SOX5: variants seen among roughly 807,000 people sequenced by gnomAD.
The protein encoded by SOX5 is transcription factor SOX-5.
A neutral mutation model predicts 92.0 loss-of-function variants in SOX5; 9 were observed. The ratio of observed to expected loss-of-function variants is 0.10; its 90% confidence interval spans 0.06 to 0.17. The LOEUF is 0.17. SOX5 is among the 10% of genes least tolerant of loss of function. The probability of loss-of-function intolerance (pLI) is 1.00; values close to 1 mark genes in which losing one functional copy is unlikely to be tolerated. For missense variants in SOX5, 642 were observed against 944.5 expected, an observed-to-expected ratio of 0.68 and a Z score of 4.20; for synonymous variants, 344 against 336.3, an observed-to-expected ratio of 1.02 and a Z score of -0.25.
At chr12:23,927,456 A>G (rs925354118) in intron 1 of SOX5, among the ~76,000 whole-genome samples, 9 of 152,018 alleles carry the variant, frequency 5.9e-5, no homozygotes, top group African/African-American at 2.2e-4. Flanking sequence ...ACACACATAC[A>G]TACATATGGA....
intron 1 of SOX5, among the ~76,000 whole-genome samples, chr12:24,438,547 T>C (rs549777078): frequency 1.3e-5 from 2 of 152,284 alleles, no homozygotes; most frequent in Admixed American, 1.3e-4. Flanking sequence ...TTCACCATTC[T>C]AGATGCCATT....
intron 1 of SOX5, among the ~76,000 whole-genome samples, chr12:24,456,147 A>G (rs1942996721): frequency 6.6e-6 from 1 of 152,198 alleles, no homozygotes. Context: ...AGGGCAACAT[A>G]GAGATACTGT....
intron 1 of SOX5, among the ~76,000 whole-genome samples, chr12:23,917,487 A>G (rs11047164): frequency 0.039 from 5,925 of 152,286 alleles, 389 homozygotes; most frequent in African/African-American, 0.13. Context: ...GGGGAGGCAG[A>G]GGTTGCAGCA....
chr12:24,333,049 C>T lies in SOX5; in HGVS notation c.-174+35514G>A, dbSNP rs556562769. On this transcript the variant is annotated intron_variant, in intron 2 of 4. Transcript: ENST00000446891. Reference sequence around the variant, plus strand: ...TTTTGGAAACAAAAACATCAAAACGCGACAATATTAGAAAAAACAAATACA... The same window carrying T: ...TTTTGGAAACAAAAACATCAAAACGTGACAATATTAGAAAAAACAAATACA... Among the ~76,000 whole-genome samples, 33 of 151,636 alleles carry T rather than the reference C, an allele frequency of 2.2e-4. 1 individual carries two copies. Among genetic ancestry groups the T allele is most frequent in the East Asian group, 5.8e-4 (3 of 5,180 alleles).
At chr12:23,816,904 A>G (rs2096006458) in intron 3 of SOX5, among the ~76,000 whole-genome samples, 1 of 152,208 alleles carries the variant, frequency 6.6e-6, no homozygotes, top group African/African-American at 2.4e-5. Flanking sequence ...TTGAGAAGAT[A>G]TTAAACAGTT....
chr12:24,520,845 C>A (rs2138476611), intron 1 of SOX5, among the ~76,000 whole-genome samples: 1 of 152,290 alleles, frequency 6.6e-6, no homozygotes, highest in Non-Finnish European at 1.5e-5. Flanking sequence ...GGTGGCTATA[C>A]TTTATCAGAC....
chr12:23,642,032 T>C (rs1413320086), intron 7 of SOX5, among the ~76,000 whole-genome samples: 1 of 152,210 alleles, frequency 6.6e-6, no homozygotes, highest in South Asian at 2.1e-4. Context: ...AGCTTAAACT[T>C]TGGGCTTTTG....
intron 3 of SOX5, among the ~76,000 whole-genome samples, 181 bp downstream of exon 3, chr12:23,845,802 A>G (rs1389639373): frequency 6.6e-6 from 1 of 152,232 alleles, no homozygotes; most frequent in Non-Finnish European, 1.5e-5. Context: ...GATTTAAAAA[A>G]TTGAGATAGA....
At chr12:24,273,151 T>A (rs1218562602) in intron 3 of SOX5, among the ~76,000 whole-genome samples, 3 of 152,142 alleles carry the variant, frequency 2.0e-5, no homozygotes, top group Non-Finnish European at 2.9e-5. Context: ...ACCAGCTACT[T>A]GGGAGGCTGA....
chr12:23,781,724 C>G (rs1389915015), intron 3 of SOX5, among the ~76,000 whole-genome samples: 1 of 151,960 alleles, frequency 6.6e-6, no homozygotes, highest in African/African-American at 2.4e-5. Flanking sequence ...TGTGTATATG[C>G]ATTTCTTCCT....
At chr12:24,140,350 C>T (rs890592067) in intron 4 of SOX5, among the ~76,000 whole-genome samples, 1 of 151,978 alleles carries the variant, frequency 6.6e-6, no homozygotes, top group African/African-American at 2.4e-5. Flanking sequence ...TCCCTAAAGG[C>T]ATGATGAGTG....
At chr12:23,539,290 TAATA>T (rs1315377397) in intron 13 of SOX5, among the ~76,000 whole-genome samples, 2 of 152,232 alleles carry the variant, frequency 1.3e-5, no homozygotes, top group Non-Finnish European at 2.9e-5. Flanking sequence ...ATTCATTCCT[TAATA>T]AATATATAGT....
intron 2 of SOX5, among the ~76,000 whole-genome samples, chr12:24,344,772 C>T (rs372666369): frequency 9.2e-5 from 14 of 152,188 alleles, no homozygotes; most frequent in South Asian, 4.1e-4. Context: ...GACAGAAATA[C>T]GAAACAAAGG....
intron 1 of SOX5, among the ~76,000 whole-genome samples, chr12:23,936,590 A>T (rs1942608253): frequency 1.3e-5 from 2 of 150,870 alleles, no homozygotes; most frequent in African/African-American, 4.8e-5. Context: ...TGAGCTATGA[A>T]CCACTAGAAT....
chr12:23,828,691 A>C (rs986835922), intron 3 of SOX5, among the ~76,000 whole-genome samples: 1 of 152,008 alleles, frequency 6.6e-6, no homozygotes, highest in Admixed American at 6.6e-5. Context: ...TATGTAAATA[A>C]CCTTGGAAGC....
intron 3 of SOX5, among the ~76,000 whole-genome samples, chr12:23,777,996 AC>A (rs1392146733): frequency 6.6e-6 from 1 of 152,202 alleles, no homozygotes; most frequent in African/African-American, 2.4e-5. Context: ...ACACAAATCA[AC>A]AACTTCATCT....
At chr12:24,114,067 G>T (rs1243895854) in intron 4 of SOX5, among the ~76,000 whole-genome samples, 1 of 152,140 alleles carries the variant, frequency 6.6e-6, no homozygotes, top group African/African-American at 2.4e-5. Flanking sequence ...GCTAGCATCT[G>T]ACCCATCTTC....
intron 1 of SOX5, among the ~76,000 whole-genome samples, chr12:24,520,184 G>A (rs945078546): frequency 6.6e-6 from 1 of 152,062 alleles, no homozygotes; most frequent in Non-Finnish European, 1.5e-5. Context: ...ATGCTTAAAG[G>A]AGTCCTTTGA....
At chr12:23,541,717 GA>G (rs1942084257) in intron 13 of SOX5, among the ~76,000 whole-genome samples, 1 of 152,160 alleles carries the variant, frequency 6.6e-6, no homozygotes, top group Admixed American at 6.5e-5. Flanking sequence ...GGTGAAAAAT[GA>G]GACACAATTT....
Sources: allele counts gnomAD v4.1 joint callset (sites outside exome capture counted in the v4.1 genomes callset), GRCh38; gene constraint gnomAD v4.1.1; transcripts MANE v1.5; gene names NCBI Gene and HGNC (gene_info 2026-07-23, HGNC 2026-07-21).